DLG2: variants seen among roughly 807,000 people sequenced by gnomAD.
DLG2 encodes the protein disks large homolog 2.
DLG2 carries 45 observed loss-of-function variants against 132.5 expected under a neutral mutation model. That is an observed-to-expected ratio of 0.34 (90% confidence interval 0.27 to 0.44). DLG2 has a LOEUF of 0.44. Ranked by LOEUF, DLG2 falls within the 20% of genes least tolerant of loss-of-function variation. The probability of loss-of-function intolerance (pLI) is 1.00; values close to 1 mark genes in which losing one functional copy is unlikely to be tolerated. For synonymous variants in DLG2, 424 were observed against 419.6 expected (o/e 1.01, Z -0.13); for missense variants, 1,045 against 1,196.9 (o/e 0.87, Z 1.87).
chr11:84,712,355 G>A (rs946082348), intron 6 of DLG2, among the ~76,000 whole-genome samples: 3 of 152,010 alleles, frequency 2.0e-5, no homozygotes, highest in African/African-American at 7.2e-5. Flanking sequence ...AGTATGTATT[G>A]TCAAGGGGGT....
intron 4 of DLG2, among the ~76,000 whole-genome samples, chr11:85,256,612 A>G (rs1253471941): frequency 6.6e-6 from 1 of 152,062 alleles, no homozygotes; most frequent in Admixed American, 6.5e-5. Context: ...GGAGCCCAAA[A>G]TGCTCACCCT....
chr11:83,755,307 T>C (rs1457919585), intron 18 of DLG2, among the ~76,000 whole-genome samples: 1 of 151,334 alleles, frequency 6.6e-6, no homozygotes, highest in Non-Finnish European at 1.5e-5. Context: ...TCTACTCTGA[T>C]ATCGAGTTTG....
intron 3 of DLG2, among the ~76,000 whole-genome samples, chr11:85,459,695 C>T (rs985951396): frequency 6.6e-6 from 1 of 152,092 alleles, no homozygotes; most frequent in African/African-American, 2.4e-5. Flanking sequence ...CCCTTTGTTG[C>T]TTTCACACCA....
At chr11:83,573,738 A>G (rs1366404324) in intron 19 of DLG2, among the ~76,000 whole-genome samples, 5 of 152,184 alleles carry the variant, frequency 3.3e-5, no homozygotes, top group Non-Finnish European at 7.3e-5. Context: ...TATACTAAGC[A>G]AACTGAGCCC....
chr11:83,597,631 A>C (rs890007682), intron 19 of DLG2, among the ~76,000 whole-genome samples: 1 of 151,650 alleles, frequency 6.6e-6, no homozygotes, highest in Non-Finnish European at 1.5e-5. Flanking sequence ...CCCCAAAAAA[A>C]AAAAATTAGC....
chr11:84,831,046 G>C (rs1183547843), intron 6 of DLG2, among the ~76,000 whole-genome samples: 1 of 132,756 alleles, frequency 7.5e-6, no homozygotes, highest in Non-Finnish European at 1.5e-5. Flanking sequence ...GAACCAAAAA[G>C]GGGCAACAGA....
chr11:85,278,620 T>C (rs1422954058), intron 4 of DLG2, among the ~76,000 whole-genome samples: 5 of 151,834 alleles, frequency 3.3e-5, no homozygotes, highest in African/African-American at 4.8e-5. Flanking sequence ...AAAAAGAGCC[T>C]AGCCTGGACT....
chr11:85,129,175 G>A (rs1030303485), intron 5 of DLG2, among the ~76,000 whole-genome samples: 3 of 152,260 alleles, frequency 2.0e-5, no homozygotes, highest in African/African-American at 7.2e-5. Context: ...AGAAACATTT[G>A]AGAAAAAGAG....
At chr11:85,342,576 A>T (rs1331875177) in intron 3 of DLG2, among the ~76,000 whole-genome samples, 1 of 152,364 alleles carries the variant, frequency 6.6e-6, no homozygotes, top group East Asian at 1.9e-4. Context: ...CTAAAAAATG[A>T]TTTAAAAGTT....
At chr11:84,280,750 T>C (rs901085256) in intron 7 of DLG2, among the ~76,000 whole-genome samples, 1 of 151,762 alleles carries the variant, frequency 6.6e-6, no homozygotes, top group Admixed American at 6.6e-5. Flanking sequence ...CAGGCTGGAG[T>C]GCAGTGGCAC....
intron 7 of DLG2, among the ~76,000 whole-genome samples, chr11:84,307,604 G>A (rs906252560): frequency 1.0e-4 from 15 of 150,546 alleles, no homozygotes; most frequent in Non-Finnish European, 2.2e-4. Context: ...CCTGAGGCAG[G>A]AGAATGGCGT....
intron 15 of DLG2, among the ~76,000 whole-genome samples, chr11:83,888,407 C>A (rs2068610027): frequency 1.3e-5 from 2 of 151,882 alleles, no homozygotes; most frequent in South Asian, 2.1e-4. Flanking sequence ...TGTGAAGGAC[C>A]TCTTCAAGGA....
intron 4 of DLG2, among the ~76,000 whole-genome samples, chr11:85,269,253 C>A (rs1261209499): frequency 6.6e-6 from 1 of 152,220 alleles, no homozygotes; most frequent in Non-Finnish European, 1.5e-5. Context: ...TTCAGACTGC[C>A]TCAGAAAGCA....
chr11:85,187,068 T>G (rs1566981406), intron 4 of DLG2, among the ~76,000 whole-genome samples: 1 of 152,102 alleles, frequency 6.6e-6, no homozygotes, highest in Non-Finnish European at 1.5e-5. Flanking sequence ...TCCATTTACA[T>G]GATAACAGAT....
chr11:84,752,393 T>G (rs552084720), intron 6 of DLG2, among the ~76,000 whole-genome samples: 1 of 152,274 alleles, frequency 6.6e-6, no homozygotes, highest in South Asian at 2.1e-4. Context: ...TAGCAATATG[T>G]GCTGTGAAAA....
chr11:83,667,000 T>C (rs1407017703), intron 18 of DLG2, among the ~76,000 whole-genome samples: 2 of 152,212 alleles, frequency 1.3e-5, no homozygotes, highest in Non-Finnish European at 2.9e-5. Flanking sequence ...ACACCGGAAC[T>C]GGCCTGGGCA....
chr11:84,033,806 A>C (rs979968561), intron 11 of DLG2, among the ~76,000 whole-genome samples: 1 of 152,214 alleles, frequency 6.6e-6, no homozygotes, highest in Non-Finnish European at 1.5e-5. Context: ...TGCGAGGCCC[A>C]GATGGGCAGA....
At chr11:85,500,265 A>AATGTG (rs2093766649) in intron 3 of DLG2, among the ~76,000 whole-genome samples, 2 of 150,940 alleles carry the variant, frequency 1.3e-5, no homozygotes, top group African/African-American at 5.0e-5. Flanking sequence ...TTACAAAATC[A>AATGTG]TCATTCTCAG....
chr11:85,373,384 T>C (rs1199005627), intron 3 of DLG2, among the ~76,000 whole-genome samples: 3 of 152,178 alleles, frequency 2.0e-5, no homozygotes, highest in African/African-American at 7.2e-5. Flanking sequence ...CTTAGGCTTC[T>C]AGGGAAGCTC....
Sources: gnomAD v4.1 joint callset for allele counts (sites outside exome capture counted in the v4.1 genomes callset) on GRCh38, gnomAD v4.1.1 for gene constraint, MANE v1.5 for transcripts, NCBI Gene and HGNC (gene_info 2026-07-23, HGNC 2026-07-21) for gene names.